The following RAB4A variants were observed in gnomAD, a reference collection of about 807,000 sequenced individuals.
The protein encoded by RAB4A is ras-related protein Rab-4A.
In RAB4A, 20 loss-of-function variants were observed where a neutral mutation model predicts 34.5. The ratio of observed to expected loss-of-function variants is 0.58; its 90% CI spans 0.41 to 0.84. The LOEUF is 0.84. RAB4A is among the 40% of genes least tolerant of loss of function. RAB4A has a pLI of 0.00. For synonymous variants in RAB4A, 102 were observed against 100.0 expected (o/e 1.02, Z -0.12); for missense variants, 228 against 274.5 (o/e 0.83, Z 1.20).
At chr1:229,271,571 G>GGGGCGCA (rs1656479473) in intron 1 of RAB4A, among the ~76,000 whole-genome samples, 1 of 152,208 alleles carries the variant, frequency 6.6e-6, no homozygotes, top group African/African-American at 2.4e-5. Flanking sequence ...GCGGGTGCGC[G>GGGGCGCA]GGGCGCGGGG....
intron 3 of RAB4A, among the ~76,000 whole-genome samples, chr1:229,290,530 C>T (rs1040490877): frequency 2.6e-5 from 4 of 152,196 alleles, no homozygotes; most frequent in Admixed American, 1.3e-4. Context: ...CCTCCAAGCC[C>T]ACCTGCTCCA....
At chr1:229,302,299 A>T (rs1418436098) in intron 6 of RAB4A, among the ~76,000 whole-genome samples, 9,040 of 37,546 alleles carry the variant, frequency 0.24, 1,131 homozygotes, top group African/African-American at 0.39. Flanking sequence ...ATATATATAT[A>T]TATATATATA....
At chr1:229,292,459 G>A (rs1409870745) in intron 3 of RAB4A, among the ~76,000 whole-genome samples, 5 of 152,070 alleles carry the variant, frequency 3.3e-5, no homozygotes, top group Non-Finnish European at 1.5e-5. Flanking sequence ...ATAGAAAGGC[G>A]CTGCCTCTTA....
chr1:229,284,040 G>T (rs910685165), intron 1 of RAB4A, among the ~76,000 whole-genome samples: 1 of 149,318 alleles, frequency 6.7e-6, no homozygotes, highest in African/African-American at 2.5e-5. Flanking sequence ...CCCGGCCTCA[G>T]AGTCTTTGAT....
At chr1:229,286,404 A>G (rs1656924839) in intron 1 of RAB4A, 82 bp from the exon 2 acceptor site, 5 of 815,622 alleles carry the variant, frequency 6.1e-6, no homozygotes, top group South Asian at 1.7e-5. Context: ...CAACTAAGAT[A>G]CTAAATTTGA....
intron 3 of RAB4A, among the ~76,000 whole-genome samples, chr1:229,294,588 C>G (rs1203035223): frequency 1.3e-5 from 2 of 152,158 alleles, no homozygotes. Context: ...GCCTGTAATC[C>G]CAGCACTTTG....
rs1571835049 is a variant in RAB4A at position 229,297,493 on chromosome 1, A to G, written c.302A>G (p.Tyr101Cys). The G allele has an allele frequency of 1.9e-6, 3 of 1,600,432 alleles. No individual in the cohort carries two copies. Among genetic ancestry groups the G allele is most frequent in the Admixed American group, 1.8e-5 (1 of 55,318 alleles). The change falls in exon 5 of 8, where the codon TAC (tyrosine) becomes TGC (cysteine). Residue 101 changes from tyrosine to cysteine, a missense_variant. Transcript: ENST00000366690. ...CTTATATTACGCAGCCGAGAAACCTACAATGCGCTTACTAATTGGTTAACA... is the reference window on the plus strand; with the variant it reads ...CTTATATTACGCAGCCGAGAAACCTGCAATGCGCTTACTAATTGGTTAACA... Reference protein sequence around the residue: ...LVYDITSRETYNALTNWLTDA... With the variant: ...LVYDITSRETCNALTNWLTDA...
intron 1 of RAB4A, among the ~76,000 whole-genome samples, chr1:229,283,603 G>C (rs567957512): frequency 1.3e-5 from 2 of 152,040 alleles, no homozygotes; most frequent in Non-Finnish European, 2.9e-5. Flanking sequence ...TCTGCTCCAA[G>C]CCTAGGATAC....
In RAB4A at chr1:229,286,595, C is replaced by T. The variant is rs200575721; in HGVS notation, c.112+29C>T. 4.7e-5 allele frequency: 64 copies of T among 1,369,646 alleles called. No homozygotes were observed. The African/African-American group carries it at 6.2e-4, about 13-fold the overall frequency. The allele number at this position is 1,369,646 out of a possible 1,614,324, so 84.8% of individuals were successfully genotyped here. On this transcript the variant is annotated intron_variant, in intron 2 of 7. Coordinates refer to ENST00000366690, the MANE Select transcript of RAB4A (RefSeq NM_004578.4). ...AGTGTCATGAAATTAGTCATTCTTC[C>T]GTGCATGTCTTCTGAGAGCCCTCTC... is the stretch of plus-strand genomic sequence containing the variant.
intron 3 of RAB4A, among the ~76,000 whole-genome samples, chr1:229,289,765 G>A (rs1228444611): frequency 6.6e-6 from 1 of 152,170 alleles, no homozygotes; most frequent in East Asian, 1.9e-4. Flanking sequence ...GCAGTGAGCT[G>A]AGATCACGCC....
chr1:229,286,566 TGTAA>T lies in RAB4A; in HGVS notation c.112+3_112+6del, dbSNP rs1558237151. The T allele has an allele frequency of 3.2e-6, 5 of 1,545,058 alleles. No individual in the cohort carries two copies. The highest frequency in any genetic ancestry group is 4.6e-5 in the East Asian group (2 of 43,090). On this transcript the variant is annotated splice_donor_variant and splice_donor_region_variant and intron_variant, in intron 2 of 7. Transcript: ENST00000366690. LOFTEE classifies it high-confidence loss of function. ...ACTTCATCAGTTTATTGAAAAAAAA[TGTAA>T]GTGTCATGAAATTAGTCATTCTTCC...
chr1:229,285,680 G>A (rs1656905569), intron 1 of RAB4A, among the ~76,000 whole-genome samples: 1 of 152,100 alleles, frequency 6.6e-6, no homozygotes, highest in Admixed American at 6.5e-5. Flanking sequence ...AGTCAAACGG[G>A]GAGGAGGGAG....
At chr1:229,294,621 TCC>T (rs1657187455) in intron 3 of RAB4A, among the ~76,000 whole-genome samples, 1 of 152,076 alleles carries the variant, frequency 6.6e-6, no homozygotes. Context: ...GGGTGGATCA[TCC>T]GAGGTCAAGA....
Position 229,295,888 on chromosome 1 carries a change from C to G in RAB4A, c.268C>G (p.Leu90Val), listed in dbSNP as rs749151689. ...RSYYRGAAGALLVYDITSRET... is the reference protein window; with the variant it reads ...RSYYRGAAGAVLVYDITSRET... ...TTATTACCGAGGCGCGGCCGGGGCT[C>G]TCCTCGTCTATGATATCACCAGGTA... The change falls in exon 4 of 8, where the codon CTC becomes GTC. Residue 90 changes from leucine to valine, a missense_variant. Transcript: ENST00000366690. 1.2e-6 allele frequency: 2 copies of G among 1,614,140 alleles called. No homozygotes were observed. The highest frequency in any genetic ancestry group is 1.7e-6 in the Non-Finnish European group (2 of 1,180,022).
rs1657414539 is a variant in RAB4A at position 229,302,284 on chromosome 1, TATATATATA to T, written c.542-577_542-569del. ...ATATATATATATATATATATATATA[TATATATATA>T]TATATATATATATATATTTTTTTTT... On this transcript the variant is annotated intron_variant, in intron 6 of 7. Transcript: ENST00000366690. Among the ~76,000 whole-genome samples, 11 of 20,918 alleles carry T rather than the reference TATATATATA, an allele frequency of 5.3e-4. 1 individual carries two copies. The highest frequency in any genetic ancestry group is 2.2e-3 in the African/African-American group (10 of 4,454). The allele number at this position is 20,918 out of a possible 152,430, so 13.7% of individuals were successfully genotyped here.
chr1:229,288,597 T>TG, intron 2 of RAB4A, 132 bp from the exon 3 acceptor site: 1 of 566,212 alleles, frequency 1.8e-6, no homozygotes, highest in Non-Finnish European at 3.1e-6. Flanking sequence ...AATGGAATGT[T>TG]GGAGAAATGA....
intron 6 of RAB4A, 82 bp downstream of exon 6, chr1:229,299,154 C>T (rs1354383646): frequency 1.7e-5 from 17 of 974,956 alleles, no homozygotes; most frequent in Non-Finnish European, 2.1e-5. Flanking sequence ...TTAATAGTTT[C>T]AGGGTGATTT....
intron 1 of RAB4A, among the ~76,000 whole-genome samples, chr1:229,278,350 T>C (rs1656700610): frequency 6.6e-6 from 1 of 152,218 alleles, no homozygotes; most frequent in Non-Finnish European, 1.5e-5. Context: ...ATTGCAGATG[T>C]ATGGTCTCTG....
At chr1:229,298,016 G>A (rs970623258) in intron 5 of RAB4A, among the ~76,000 whole-genome samples, 1 of 152,132 alleles carries the variant, frequency 6.6e-6, no homozygotes, top group African/African-American at 2.4e-5. Flanking sequence ...AATAGAAAGG[G>A]AAGCGGAAGA....
Sources: gnomAD v4.1 joint callset for allele counts (sites outside exome capture counted in the v4.1 genomes callset) on GRCh38, gnomAD v4.1.1 for gene constraint, MANE v1.5 for transcripts, NCBI Gene and HGNC (gene_info 2026-07-23, HGNC 2026-07-21) for gene names.